GMDS: variants seen among roughly 807,000 people sequenced by gnomAD.
GMDS encodes the protein GDP-mannose 4,6 dehydratase.
Under a neutral mutation model 49.9 loss-of-function variants are expected in GMDS, and 20 were observed. That is an observed-to-expected ratio of 0.40 (90% CI 0.28 to 0.58). The LOEUF is 0.58. Ranked by LOEUF, GMDS falls within the 20% of genes least tolerant of loss-of-function variation. The pLI is 0.42. For synonymous variants in GMDS, 177 were observed against 178.6 expected, an observed-to-expected ratio of 0.99 and a Z score of 0.07; for missense variants, 362 against 481.4, an observed-to-expected ratio of 0.75 and a Z score of 2.32.
intron 7 of GMDS, among the ~76,000 whole-genome samples, chr6:1,880,284 CAAAA>C (rs34490393): frequency 1.7e-5 from 1 of 59,112 alleles, no homozygotes. Flanking sequence ...CTCATTTCCA[CAAAA>C]AAAAAAAAAA....
intron 9 of GMDS, among the ~76,000 whole-genome samples, chr6:1,683,731 A>G (rs2113315061): frequency 6.6e-6 from 1 of 152,358 alleles, no homozygotes; most frequent in Non-Finnish European, 1.5e-5. Context: ...GTTAGTTTAG[A>G]AAGTTCCCTT....
chr6:2,020,584 A>G (rs116223338), intron 4 of GMDS, among the ~76,000 whole-genome samples: 2,696 of 152,242 alleles, frequency 0.018, 88 homozygotes, highest in African/African-American at 0.062. Flanking sequence ...TTAATACATC[A>G]TGAGAAAACA....
At chr6:1,674,187 G>C (rs1447370643) in intron 9 of GMDS, among the ~76,000 whole-genome samples, 2 of 152,094 alleles carry the variant, frequency 1.3e-5, no homozygotes, top group African/African-American at 4.8e-5. Context: ...GTCAGCATTT[G>C]ATGTTAGTAT....
At chr6:2,015,078 C>G (rs1223579029) in intron 4 of GMDS, among the ~76,000 whole-genome samples, 1 of 152,074 alleles carries the variant, frequency 6.6e-6, no homozygotes, top group Non-Finnish European at 1.5e-5. Context: ...ACTAATAATG[C>G]AAGGGGAAAT....
At chr6:1,677,862 G>C (rs1764674848) in intron 9 of GMDS, among the ~76,000 whole-genome samples, 1 of 151,418 alleles carries the variant, frequency 6.6e-6, no homozygotes, top group South Asian at 2.1e-4. Flanking sequence ...GCGTTAATGG[G>C]TACAACACAC....
intron 1 of GMDS, among the ~76,000 whole-genome samples, chr6:2,192,582 C>T (rs1431577117): frequency 6.6e-6 from 1 of 152,222 alleles, no homozygotes; most frequent in East Asian, 1.9e-4. Flanking sequence ...TGGTTCCTGG[C>T]ATCTCCAAGC....
At chr6:1,935,435 C>T (rs947394483) in intron 6 of GMDS, among the ~76,000 whole-genome samples, 48 of 152,190 alleles carry the variant, frequency 3.2e-4, no homozygotes, top group African/African-American at 1.1e-3. Context: ...TACTCAGTAA[C>T]TGTTAGACAT....
intron 4 of GMDS, among the ~76,000 whole-genome samples, chr6:2,113,456 T>A (rs1774666802): frequency 1.3e-5 from 2 of 151,076 alleles, no homozygotes; most frequent in South Asian, 4.2e-4. Flanking sequence ...TGACCTTACC[T>A]CACACTTCTC....
At chr6:2,211,286 C>T (rs1439062274) in intron 1 of GMDS, among the ~76,000 whole-genome samples, 3 of 152,166 alleles carry the variant, frequency 2.0e-5, no homozygotes, top group African/African-American at 4.8e-5. Context: ...CCCTTACACA[C>T]GTACTTGACG....
chr6:1,671,547 C>T (rs771414099), intron 9 of GMDS, among the ~76,000 whole-genome samples: 7 of 151,974 alleles, frequency 4.6e-5, no homozygotes, highest in South Asian at 2.1e-4. Flanking sequence ...CGTAGAAACA[C>T]GGAATCAACG....
rs545929884 is a variant in GMDS, at chr6:2,106,890, T to C, written c.345+8881A>G. Among the ~76,000 whole-genome samples, 147 of 151,934 alleles carry C rather than the reference T, an allele frequency of 9.7e-4. 4 individuals carry two copies. Among genetic ancestry groups the C allele is most frequent in the Non-Finnish European group, 9.7e-4 (66 of 67,944 alleles). ...AAAAAGAAAAAAAAAAGGAAAAGTT[T>C]TACTCACAGTGTATTTACTAACTTA... On this transcript the variant is annotated intron_variant, in intron 4 of 10. Coordinates refer to ENST00000380815, the MANE Select transcript of GMDS (RefSeq NM_001500.4).
intron 10 of GMDS, 48 bp downstream of exon 10, chr6:1,624,424 C>A: frequency 6.5e-7 from 1 of 1,537,676 alleles, no homozygotes; most frequent in Non-Finnish European, 9.0e-7. Context: ...TGCCGCCCTG[C>A]AGCCCGGGGC....
At chr6:1,637,886 C>T (rs1763213479) in intron 9 of GMDS, among the ~76,000 whole-genome samples, 1 of 152,208 alleles carries the variant, frequency 6.6e-6, no homozygotes, top group Non-Finnish European at 1.5e-5. Flanking sequence ...GGTAACTTGC[C>T]GTGTGCCACT....
In GMDS at chr6:2,238,222, C is replaced by CA. The variant is rs58141924; in HGVS notation, c.102+7098dup. Among the ~76,000 whole-genome samples the CA allele has an allele frequency of 5.3e-3, 633 of 118,634 alleles. 2 individuals carry two copies. Among genetic ancestry groups the CA allele is most frequent in the Non-Finnish European group, 8.8e-3 (458 of 51,768 alleles). 77.8% of individuals were successfully genotyped at this position (118,634 alleles called of 152,430 possible). On this transcript the variant is annotated intron_variant, in intron 1 of 10. Coordinates refer to ENST00000380815, the MANE Select transcript of GMDS (RefSeq NM_001500.4). ...GTCAGCTGGTGAGATCCTGTCTCTA[C>CA]AAAAAAAAAAAAAAAATAGTAAAAA...
chr6:2,193,496 G>A (rs988027450), intron 1 of GMDS, among the ~76,000 whole-genome samples: 11 of 152,216 alleles, frequency 7.2e-5, no homozygotes, highest in Non-Finnish European at 1.2e-4. Context: ...ACCCTAGGCA[G>A]CAGGGTCTCC....
At chr6:1,704,231 A>G (rs541010064) in intron 9 of GMDS, among the ~76,000 whole-genome samples, 1 of 152,126 alleles carries the variant, frequency 6.6e-6, no homozygotes, top group East Asian at 1.9e-4. Context: ...GAGCAATCAG[A>G]AGGAGAAAGA....
In GMDS at chr6:1,641,905, T is replaced by C. The variant is rs1763343122; in HGVS notation, c.988-17365A>G. Among the ~76,000 whole-genome samples the C allele has an allele frequency of 3.9e-5, 6 of 152,128 alleles. No homozygotes were observed. In the South Asian group the frequency reaches 1.0e-3, roughly 26 times the overall value. ...GGTGAAGCGGAAATACCCCAACAAC[T>C]CGGCACACTTCTTTTGTCCCAAACA... On this transcript the variant is annotated intron_variant, in intron 9 of 10. Transcript: ENST00000380815.
intron 7 of GMDS, among the ~76,000 whole-genome samples, chr6:1,792,915 CAGCCTTTACA>C (rs1461176605): frequency 6.6e-6 from 1 of 152,182 alleles, no homozygotes; most frequent in East Asian, 1.9e-4. Flanking sequence ...GACAATTACA[CAGCCTTTACA>C]ATCTCAAGAA....
Position 1,667,694 on chromosome 6 carries a change from A to AT in GMDS, c.988-43155dup, listed in dbSNP as rs3839497. On this transcript the variant is annotated intron_variant, in intron 9 of 10. Coordinates refer to ENST00000380815, the MANE Select transcript of GMDS (RefSeq NM_001500.4). ...GGCAACATGGAATGGGCACTTTTGTATTTTTTTTTCTTTTTTTTTTGGTCT... is the reference window on the plus strand; with the variant it reads ...GGCAACATGGAATGGGCACTTTTGTATTTTTTTTTTCTTTTTTTTTTGGTCT... Among the ~76,000 whole-genome samples, 265 of 145,344 alleles carry AT rather than the reference A, an allele frequency of 1.8e-3. 2 individuals carry two copies. The highest frequency in any genetic ancestry group is 0.011 in the East Asian group (54 of 4,998).
Sources: allele counts gnomAD v4.1 joint callset (sites outside exome capture counted in the v4.1 genomes callset), GRCh38; gene constraint gnomAD v4.1.1; transcripts MANE v1.5; gene names NCBI Gene and HGNC (gene_info 2026-07-23, HGNC 2026-07-21).